The following HCN3 variants were observed in gnomAD, a reference collection of about 807,000 sequenced individuals.
The protein encoded by HCN3 is hyperpolarization activated cyclic nucleotide gated potassium channel 3.
Under a neutral mutation model 56.8 loss-of-function variants are expected in HCN3, and 36 were observed. The observed-to-expected ratio is 0.63, with a 90% CI of 0.49 to 0.84. HCN3 has a LOEUF of 0.84. Ranked by LOEUF, HCN3 falls within the 40% of genes least tolerant of loss-of-function variation. The pLI is 0.00. For missense variants in HCN3, 930 were observed against 1,079.3 expected (o/e 0.86, Z 1.94); for synonymous variants, 425 against 439.7 (o/e 0.97, Z 0.42).
intron 2 of HCN3, among the ~76,000 whole-genome samples, 182 bp from the exon 3 acceptor site, chr1:155,283,792 G>A (rs7520184): frequency 0.35 from 52,930 of 151,922 alleles, 10,266 homozygotes; most frequent in East Asian, 0.7. Context: ...ATAAGAAACT[G>A]CTTTGCATTA....
At chr1:155,286,860 G>A (rs141141634) in intron 6 of HCN3, among the ~76,000 whole-genome samples, 1,812 of 152,170 alleles carry the variant, frequency 0.012, 14 homozygotes, top group Middle Eastern at 0.085. Context: ...GGATTGAGCA[G>A]TCGGGGAGGG....
chr1:155,282,893 A>AG lies in HCN3; in HGVS notation c.708+58dup. 4.9e-6 allele frequency: 1 copy of AG among 202,234 alleles called. No individual in the cohort carries two copies. Among genetic ancestry groups the AG allele is most frequent in the Non-Finnish European group, 8.6e-6 (1 of 116,668 alleles). 12.5% of individuals were successfully genotyped at this position (202,234 alleles called of 1,614,324 possible). The stretch of plus-strand genomic sequence containing the variant: ...AGTGGGTGGGGGATGTTGGGGGAGA[A>AG]GGGGGCGGGGCGGCTGGTGGACTTC... On this transcript the variant is annotated intron_variant, in intron 2 of 7. Coordinates refer to ENST00000368358, the MANE Select transcript of HCN3 (RefSeq NM_020897.3). This position sits in a 1 kb window ranked among gnomAD's most constrained non-coding sequence, Gnocchi z 4.7.
chr1:155,277,901 A>C, intron 1 of HCN3, 33 bp downstream of exon 1: 2 of 1,600,358 alleles, frequency 1.2e-6, no homozygotes, highest in Non-Finnish European at 1.7e-6. Flanking sequence ...GGCAGGGTAC[A>C]TCAATCCCAC....
At position 155,285,309 on chromosome 1, in the gene HCN3, G is replaced by GA; in HGVS notation, c.1235dup (p.Glu413GlyfsTer4). 1.9e-6 allele frequency: 3 copies of GA among 1,613,964 alleles called. No individual in the cohort carries two copies. Among genetic ancestry groups the GA allele is most frequent in the Non-Finnish European group, 2.5e-6 (3 of 1,179,844 alleles). ...GGGCGAGCTGAGCGAGCCGCTTCGCGAGGTGGGGCTGGGTTGGGCCTGGAA... is the reference window on the plus strand; with the variant it reads ...GGGCGAGCTGAGCGAGCCGCTTCGCGAAGGTGGGGCTGGGTTGGGCCTGGAA... On this transcript the variant is annotated frameshift_variant and splice_region_variant, in exon 5 of 8. Transcript: ENST00000368358. LOFTEE classifies it high-confidence loss of function. The surrounding 1 kb of genome is among the most constrained non-coding windows in gnomAD (Gnocchi z 4.5).
In HCN3 at chr1:155,289,422, G is replaced by A. The variant is rs1674437992; in HGVS notation, c.*959G>A. The A allele has an allele frequency of 2.0e-5, 3 of 152,166 alleles. No homozygotes were observed. Among genetic ancestry groups the A allele is most frequent in the Non-Finnish European group, 4.4e-5 (3 of 68,036 alleles). The allele number at this position is 152,166 out of a possible 1,614,324, so 9.4% of individuals were successfully genotyped here. ...AGACAGGAGGAGTAGGAGGAGGCAG[G>A]GCCTCTCCATGCCAGCCTCTGTGGT... On this transcript the variant is annotated 3_prime_UTR_variant, in exon 8 of 8. Coordinates refer to ENST00000368358, the MANE Select transcript of HCN3 (RefSeq NM_020897.3).
chr1:155,281,779 C>T (rs1396287344), intron 1 of HCN3, among the ~76,000 whole-genome samples: 9 of 151,990 alleles, frequency 5.9e-5, no homozygotes, highest in East Asian at 1.9e-4. Flanking sequence ...GGATTACAGG[C>T]GTGAGCCATA....
chr1:155,285,768 G>T lies in HCN3; in HGVS notation c.1281G>T (p.Pro427=), dbSNP rs797022182. ...FTCRGLVAHM[P]LFAHADPSFV... is the part of the protein sequence containing the mutation. ...GTCGGGGCCTGGTGGCCCACATGCC[G>T]CTGTTTGCCCATGCCGACCCCAGCT... Residue 427 remains proline, a synonymous_variant, in exon 6 of 8, where the codon CCG becomes CCT. Coordinates refer to ENST00000368358, the MANE Select transcript of HCN3 (RefSeq NM_020897.3). The surrounding 1 kb of genome is among the most constrained non-coding windows in gnomAD (Gnocchi z 4.5). The T allele has an allele frequency of 6.2e-7, 1 of 1,614,176 alleles. No homozygotes were observed. Among genetic ancestry groups the T allele is most frequent in the South Asian group, 1.1e-5 (1 of 91,084 alleles).
In HCN3 at chr1:155,277,586, G is replaced by T; in HGVS notation, c.-5G>T. 6.4e-7 allele frequency: 1 copy of T among 1,559,116 alleles called. No individual in the cohort carries two copies. Among genetic ancestry groups the T allele is most frequent in the Admixed American group, 1.9e-5 (1 of 51,700 alleles). On this transcript the variant is annotated 5_prime_UTR_variant, in exon 1 of 8. Transcript: ENST00000368358. ...GAGGCCGAGCGTGTAAGCGGGGTGG[G>T]CGCCATGGAGGCAGAGCAGCGGCCG...
In HCN3 at chr1:155,277,824, G is replaced by A. The variant is rs527451744; in HGVS notation, c.234G>A (p.Val78=). The A allele has an allele frequency of 1.2e-6, 2 of 1,612,364 alleles. No individual in the cohort carries two copies. Among genetic ancestry groups the A allele is most frequent in the East Asian group, 2.2e-5 (1 of 44,884 alleles). Residue 78 remains valine, a synonymous_variant, in exon 1 of 8, where the codon GTG becomes GTA. Transcript: ENST00000368358. ...CAGTGGAAATCGAGCAGGAGCGGGT[G>A]AAGTCAGCGGGGGCCTGGATCATCC... ...HKAVEIEQER[V]KSAGAWIIHP... is the part of the protein sequence containing the mutation.
At chr1:155,281,389 G>T (rs1440674127) in intron 1 of HCN3, among the ~76,000 whole-genome samples, 1 of 150,152 alleles carries the variant, frequency 6.7e-6, no homozygotes, top group Non-Finnish European at 1.5e-5. Context: ...TTTCTTTGAG[G>T]CAGAGTCTCA....
chr1:155,284,675 C>G lies in HCN3; in HGVS notation c.1007C>G (p.Ala336Gly). Residue 336 changes from alanine to glycine, a missense_variant, in exon 4 of 8, where the codon GCC becomes GGC. By Grantham distance (60) the Ala-to-Gly change is moderately conservative. Transcript: ENST00000368358. This position sits in a 1 kb window ranked among gnomAD's most constrained non-coding sequence, Gnocchi z 4.3. ...ACCATGCTCAGCATGATCGTAGGTG[C>G]CACATGCTACGCCATGTTCATCGGC... The part of the protein sequence containing the change: ...WLTMLSMIVG[A>G]TCYAMFIGHA... The G allele has an allele frequency of 1.9e-6, 3 of 1,614,238 alleles. No homozygotes were observed. The highest frequency in any genetic ancestry group is 1.7e-6 in the Non-Finnish European group (2 of 1,180,050).
rs965246672 is a variant in HCN3, at chr1:155,289,574, T to A, written c.*1111T>A. The A allele has an allele frequency of 3.9e-5, 6 of 152,470 alleles. No individual in the cohort carries two copies. Among genetic ancestry groups the A allele is most frequent in the African/African-American group, 1.4e-4 (6 of 41,438 alleles). 9.4% of individuals were successfully genotyped at this position (152,470 alleles called of 1,614,324 possible). ...TTGTTTTGTTTTTTCCTTCTGAGTT[T>A]GCTGTTGGTGCAGGAATAAGGGAAA... On this transcript the variant is annotated 3_prime_UTR_variant, in exon 8 of 8. Transcript: ENST00000368358.
At chr1:155,277,939 G>GCCCCCCCCC in intron 1 of HCN3, 71 bp downstream of exon 1, 1 of 1,520,910 alleles carries the variant, frequency 6.6e-7, no homozygotes, top group Non-Finnish European at 8.9e-7. Context: ...CCGGGACCCG[G>GCCCCCCCCC]CCCGCCCCAC....
At chr1:155,283,217 C>G (rs1674145843) in intron 2 of HCN3, among the ~76,000 whole-genome samples, 1 of 152,038 alleles carries the variant, frequency 6.6e-6, no homozygotes, top group Non-Finnish European at 1.5e-5. Context: ...GTCTCATTGT[C>G]TTTGGTCAGA....
At position 155,282,494 on chromosome 1, in the gene HCN3, A is replaced by G. The variant is rs1674097724; in HGVS notation, c.362A>G (p.Glu121Gly). ...LPVGITFFKE[E>G]NSPPWIVFNV... ...GTGGGCATCACCTTCTTCAAGGAGG[A>G]GAACTCCCCGCCTTGGATCGTCTTC... is the stretch of plus-strand genomic sequence containing the variant. Residue 121 changes from glutamate to glycine, a missense_variant, in exon 2 of 8, where the codon GAG (glutamate) becomes GGG (glycine). By Grantham distance (98) the Glu-to-Gly change is moderately conservative. Coordinates refer to ENST00000368358, the MANE Select transcript of HCN3 (RefSeq NM_020897.3). This position sits in a 1 kb window ranked among gnomAD's most constrained non-coding sequence, Gnocchi z 4.7. 1 of 1,614,094 alleles carries G rather than the reference A, an allele frequency of 6.2e-7. No homozygotes were observed. Among genetic ancestry groups the G allele is most frequent in the Admixed American group, 1.7e-5 (1 of 59,996 alleles).
rs780471817 is a variant in HCN3 at position 155,284,554 on chromosome 1, C to T, written c.886C>T (p.Arg296Cys). The change falls in exon 4 of 8, where the codon CGC becomes TGC. Residue 296 changes from arginine to cysteine, a missense_variant. By Grantham distance (180) the Arg-to-Cys change is radical. Transcript: ENST00000368358. This position sits in a 1 kb window ranked among gnomAD's most constrained non-coding sequence, Gnocchi z 4.3. Reference protein sequence around the residue: ...INHMVNHSWGRQYSHALFKAM... With the variant: ...INHMVNHSWGCQYSHALFKAM... ...TGCCCCTCAGAACCACTCGTGGGGC[C>T]GCCAGTATTCCCATGCCCTGTTCAA... 35 of 1,612,202 alleles carry T rather than the reference C, an allele frequency of 2.2e-5. No homozygotes were observed. Among genetic ancestry groups the T allele is most frequent in the Admixed American group, 8.3e-5 (5 of 59,990 alleles).
chr1:155,280,649 A>G (rs1673998487), intron 1 of HCN3, among the ~76,000 whole-genome samples: 1 of 148,852 alleles, frequency 6.7e-6, no homozygotes. Flanking sequence ...CGTGTTAGCC[A>G]GGATGGTCTC....
chr1:155,285,611 C>G lies in HCN3; in HGVS notation c.1237-113C>G. 2.1e-6 allele frequency: 3 copies of G among 1,428,782 alleles called. No individual in the cohort carries two copies. The highest frequency in any genetic ancestry group is 2.8e-6 in the Non-Finnish European group (3 of 1,056,000). The allele number at this position is 1,428,782 out of a possible 1,614,324, so 88.5% of individuals were successfully genotyped here. ...GGTCCCAGGCCCACTGATGCCTCCC[C>G]ATCCTTTGGCAGAACATGACCCCAG... On this transcript the variant is annotated intron_variant, in intron 5 of 7. Transcript: ENST00000368358. This position sits in a 1 kb window ranked among gnomAD's most constrained non-coding sequence, Gnocchi z 4.5.
rs1358082354 is a variant in HCN3 at position 155,285,677 on chromosome 1, C to A, written c.1237-47C>A. ...AAGCGGATGAGCTCGGTGGGATCATCTCAGGTCAGGGGCACAGCCTGCCTG... is the reference window on the plus strand; with the variant it reads ...AAGCGGATGAGCTCGGTGGGATCATATCAGGTCAGGGGCACAGCCTGCCTG... On this transcript the variant is annotated intron_variant, in intron 5 of 7. Transcript: ENST00000368358. This position sits in a 1 kb window ranked among gnomAD's most constrained non-coding sequence, Gnocchi z 4.5. 6.2e-7 allele frequency: 1 copy of A among 1,608,350 alleles called. No homozygotes were observed. Among genetic ancestry groups the A allele is most frequent in the Non-Finnish European group, 8.5e-7 (1 of 1,176,730 alleles).
Sources: gnomAD v4.1 joint callset for allele counts (sites outside exome capture counted in the v4.1 genomes callset) on GRCh38, gnomAD v4.1.1 for gene constraint, Gnocchi (gnomAD v3.1) non-coding constraint, MANE v1.5 for transcripts, NCBI Gene and HGNC (gene_info 2026-07-23, HGNC 2026-07-21) for gene names.